SH3KBP1: variants seen among roughly 807,000 people sequenced by gnomAD.
The protein encoded by SH3KBP1 is SH3 domain containing kinase binding protein 1.
SH3KBP1 carries 8 observed loss-of-function variants against 50.1 expected under a neutral mutation model. The observed-to-expected ratio is 0.16, with a 90% CI of 0.09 to 0.29. The LOEUF is 0.29. Among genes scored for constraint, SH3KBP1 ranks in the 10% least tolerant of loss-of-function variants. The pLI is 1.00. For synonymous variants in SH3KBP1, 227 were observed against 218.6 expected, an observed-to-expected ratio of 1.04 and a Z score of -0.34; for missense variants, 377 against 535.2, an observed-to-expected ratio of 0.70 and a Z score of 2.92.
intron 2 of SH3KBP1, among the ~76,000 whole-genome samples, chrX:19,768,400 A>C (rs1409435260): frequency 9.7e-6 from 1 of 103,342 alleles, no homozygotes; most frequent in East Asian, 3.0e-4. Flanking sequence ...TCGCCTTATA[A>C]ATGAGAGATT....
intron 11 of SH3KBP1, among the ~76,000 whole-genome samples, chrX:19,590,284 C>T (rs182676016): frequency 1.7e-4 from 19 of 111,305 alleles, no homozygotes; most frequent in Admixed American, 5.7e-4. Context: ...TGCAGCAGGA[C>T]AGGGACAGGA....
chrX:19,602,278 C>T (rs985454697), intron 9 of SH3KBP1, among the ~76,000 whole-genome samples: 5 of 111,687 alleles, frequency 4.5e-5, no homozygotes, highest in Non-Finnish European at 7.5e-5. Context: ...AAGATACACT[C>T]TGGCACCAAC....
chrX:19,548,955 T>C (rs1284637938), intron 14 of SH3KBP1, among the ~76,000 whole-genome samples: 2 of 111,814 alleles, frequency 1.8e-5, no homozygotes, highest in African/African-American at 6.5e-5. Flanking sequence ...TTCCAGAAAA[T>C]TTTTACCCAA....
At chrX:19,872,656 G>C (rs1239532036) in intron 1 of SH3KBP1, among the ~76,000 whole-genome samples, 1 of 109,157 alleles carries the variant, frequency 9.2e-6, no homozygotes, top group African/African-American at 3.4e-5. Context: ...GGCGCCTGTA[G>C]TCCCAGCTAC....
intron 3 of SH3KBP1, among the ~76,000 whole-genome samples, chrX:19,714,059 C>T (rs79957891): frequency 8.9e-6 from 1 of 111,938 alleles, no homozygotes; most frequent in Admixed American, 9.5e-5. Flanking sequence ...AACTGGAGAT[C>T]ATTATGTTAA....
intron 13 of SH3KBP1, among the ~76,000 whole-genome samples, chrX:19,561,349 C>T (rs2065672547): frequency 9.0e-6 from 1 of 110,798 alleles, no homozygotes; most frequent in East Asian, 2.8e-4. Context: ...TTGTAAACAT[C>T]AGGAGAAGGT....
chrX:19,751,852 C>T (rs2065075641), intron 2 of SH3KBP1, among the ~76,000 whole-genome samples: 1 of 112,195 alleles, frequency 8.9e-6, no homozygotes, highest in South Asian at 3.7e-4. Context: ...ACAGCAGCCT[C>T]ACCGGGCAAA....
intron 1 of SH3KBP1, among the ~76,000 whole-genome samples, chrX:19,887,031 C>A (rs1229318155): frequency 8.9e-6 from 1 of 111,810 alleles, no homozygotes; most frequent in Admixed American, 9.3e-5. Context: ...CCAACCACAC[C>A]CCCTGCATCC....
At chrX:19,593,052 A>G (rs1031894645) in intron 10 of SH3KBP1, among the ~76,000 whole-genome samples, 1 of 112,211 alleles carries the variant, frequency 8.9e-6, no homozygotes, top group Non-Finnish European at 1.9e-5. Flanking sequence ...TCCTTCAAGT[A>G]TTACATTTTT....
Position 19,819,107 on chromosome X carries a change from T to C in SH3KBP1, c.162+17018A>G, listed in dbSNP as rs28776515. ...TCTTTAACAGTTAGTTATAGGACTA[T>C]TGACATTATTTCACTTTGGGTAAGT... On this transcript the variant is annotated intron_variant, in intron 2 of 17. Transcript: ENST00000397821. Among the ~76,000 whole-genome samples the C allele has an allele frequency of 5.2e-3, 586 of 112,197 alleles. 3 individuals are homozygous for C. The highest frequency in any genetic ancestry group is 0.018 in the African/African-American group (556 of 30,897).
intron 6 of SH3KBP1, among the ~76,000 whole-genome samples, chrX:19,665,894 G>A (rs959588612): frequency 8.9e-6 from 1 of 111,836 alleles, no homozygotes; most frequent in Admixed American, 9.5e-5. Flanking sequence ...GAATATCAGA[G>A]AGAAAAAGAC....
intron 6 of SH3KBP1, among the ~76,000 whole-genome samples, chrX:19,659,465 T>C (rs1035734613): frequency 4.5e-5 from 5 of 110,675 alleles, no homozygotes; most frequent in African/African-American, 1.6e-4. Flanking sequence ...GGTCTCACTA[T>C]GTTGCCCAGG....
At chrX:19,805,781 G>C (rs1270076670) in intron 2 of SH3KBP1, among the ~76,000 whole-genome samples, 1 of 111,166 alleles carries the variant, frequency 9.0e-6, no homozygotes, top group Non-Finnish European at 1.9e-5. Flanking sequence ...GTGCTCCCTT[G>C]GGCAACTTAC....
chrX:19,702,447 G>C (rs141909835), intron 4 of SH3KBP1, among the ~76,000 whole-genome samples: 17,902 of 110,596 alleles, frequency 0.16, 1,173 homozygotes, highest in African/African-American at 0.21. Context: ...ACAAAACCAG[G>C]TTAGGCTTTA....
intron 2 of SH3KBP1, 59 bp from the exon 3 acceptor site, chrX:19,746,500 G>A: frequency 9.2e-7 from 1 of 1,086,399 alleles, no homozygotes; most frequent in South Asian, 2.0e-5. Context: ...AATGCCTCTT[G>A]GACTATCTTA....
chrX:19,555,957 T>C (rs1420959636), intron 13 of SH3KBP1, among the ~76,000 whole-genome samples: 4 of 112,196 alleles, frequency 3.6e-5, no homozygotes, highest in African/African-American at 1.3e-4. Flanking sequence ...TGTTGACTTC[T>C]CTGCCTCCCC....
chrX:19,850,809 C>A (rs1336411404), intron 1 of SH3KBP1, among the ~76,000 whole-genome samples: 2 of 110,422 alleles, frequency 1.8e-5, no homozygotes, highest in East Asian at 5.7e-4. Flanking sequence ...TCTATCTGTA[C>A]CCGCCTGGTA....
intron 13 of SH3KBP1, among the ~76,000 whole-genome samples, chrX:19,560,831 C>G (rs1461048157): frequency 9.0e-6 from 1 of 110,709 alleles, no homozygotes; most frequent in East Asian, 2.8e-4. Flanking sequence ...AATCCCAGCA[C>G]TTTGGGAAGC....
intron 2 of SH3KBP1, among the ~76,000 whole-genome samples, chrX:19,780,621 T>C (rs1375425053): frequency 9.2e-6 from 1 of 108,720 alleles, no homozygotes; most frequent in East Asian, 2.9e-4. Flanking sequence ...GATTTTTGTA[T>C]AAGGTGTAAG....
Sources: allele counts gnomAD v4.1 joint callset (sites outside exome capture counted in the v4.1 genomes callset), GRCh38; gene constraint gnomAD v4.1.1; transcripts MANE v1.5; gene names NCBI Gene and HGNC (gene_info 2026-07-23, HGNC 2026-07-21).